SAMD12: variants seen among roughly 807,000 people sequenced by gnomAD.
SAMD12 encodes the protein sterile alpha motif domain containing 12.
A neutral mutation model predicts 15.0 loss-of-function variants in SAMD12; 9 were observed. The observed-to-expected ratio is 0.60, with a 90% CI of 0.36 to 1.05. The LOEUF is 1.05. Among genes scored for constraint, SAMD12 ranks in the 50% least tolerant of loss-of-function variants. The probability of loss-of-function intolerance (pLI) is 0.01; values close to 1 mark genes in which losing one functional copy is unlikely to be tolerated. For missense variants in SAMD12, 230 were observed against 234.2 expected, an observed-to-expected ratio of 0.98 and a Z score of 0.12; for synonymous variants, 86 against 90.1, an observed-to-expected ratio of 0.96 and a Z score of 0.25.
chr8:118,575,510 C>A (rs1044667617), intron 2 of SAMD12, among the ~76,000 whole-genome samples: 1 of 152,108 alleles, frequency 6.6e-6, no homozygotes, highest in Admixed American at 6.6e-5. Flanking sequence ...GAATTTAGAG[C>A]CATTAGACAT....
At chr8:118,143,324 A>T in the SAMD12 span, among the ~76,000 whole-genome samples, 490 of 152,328 alleles carry the variant, frequency 3.2e-3, 2 homozygotes, top group African/African-American at 0.011. Context: ...TTTTTGCACA[A>T]ATGTAAAAAA....
At chr8:118,335,508 C>A (rs1817013832) in intron 4 of SAMD12, among the ~76,000 whole-genome samples, 1 of 152,208 alleles carries the variant, frequency 6.6e-6, no homozygotes, top group African/African-American at 2.4e-5. Flanking sequence ...GATTCTCCCA[C>A]AACCTGGTGT....
intron 1 of SAMD12, among the ~76,000 whole-genome samples, chr8:118,591,620 A>G (rs1827587388): frequency 6.6e-6 from 1 of 152,222 alleles, no homozygotes; most frequent in African/African-American, 2.4e-5. Flanking sequence ...GTATAGACAT[A>G]AAAAGTGCAA....
exon 5 of SAMD12, chr8:118,196,692 A>T (rs1819572236): frequency 6.6e-6 from 1 of 152,088 alleles, no homozygotes; most frequent in African/African-American, 2.4e-5. Flanking sequence ...TTGACTTAGA[A>T]TTTTTTCCGA....
chr8:118,606,845 G>T (rs558792130), intron 1 of SAMD12, among the ~76,000 whole-genome samples: 23 of 152,306 alleles, frequency 1.5e-4, no homozygotes, highest in African/African-American at 5.1e-4. Context: ...TGGCAAAATT[G>T]TGAAGTTGAC....
intron 4 of SAMD12, among the ~76,000 whole-genome samples, chr8:118,258,616 C>A (rs189373014): frequency 6.6e-6 from 1 of 152,074 alleles, no homozygotes; most frequent in Non-Finnish European, 1.5e-5. Context: ...ATTACCCCCC[C>A]TCATATGATT....
chr8:118,512,643 C>T (rs1461765739), intron 2 of SAMD12, among the ~76,000 whole-genome samples: 25 of 152,198 alleles, frequency 1.6e-4, no homozygotes, highest in Admixed American at 1.6e-3. Context: ...CTTAGTCCCA[C>T]TCATTTTTGC....
At chr8:118,193,388 C>T (rs558583613) in exon 5 of SAMD12, 1 of 152,242 alleles carries the variant, frequency 6.6e-6, no homozygotes, top group East Asian at 1.9e-4. Context: ...GCAATGGTGC[C>T]AGGAATCATG....
chr8:118,497,739 G>GGGGGGGGAA (rs1824665092), intron 2 of SAMD12, among the ~76,000 whole-genome samples: 1 of 58,244 alleles, frequency 1.7e-5, no homozygotes, highest in African/African-American at 7.7e-5. Context: ...GGGGTGGGGG[G>GGGGGGGGAA]AAAGAAAAAA....
intron 2 of SAMD12, among the ~76,000 whole-genome samples, chr8:118,447,214 G>A (rs981617388): frequency 1.3e-5 from 2 of 151,946 alleles, no homozygotes; most frequent in Admixed American, 6.6e-5. Flanking sequence ...TGGAAACACT[G>A]TCATGCCACA....
intron 4 of SAMD12, among the ~76,000 whole-genome samples, chr8:118,202,380 C>T (rs1010528698): frequency 3.3e-5 from 5 of 152,142 alleles, no homozygotes; most frequent in Non-Finnish European, 5.9e-5. Flanking sequence ...TAACTGTCTT[C>T]CTGCTTGCCA....
At chr8:118,364,966 C>T (rs1459659271) in intron 4 of SAMD12, among the ~76,000 whole-genome samples, 1 of 152,146 alleles carries the variant, frequency 6.6e-6, no homozygotes, top group Admixed American at 6.6e-5. Context: ...TGCCCCCTGT[C>T]TTTGCTTTTC....
intron 1 of SAMD12, among the ~76,000 whole-genome samples, chr8:118,593,736 C>A (rs970675092): frequency 6.6e-6 from 1 of 152,002 alleles, no homozygotes. Flanking sequence ...TTAAAAAGAA[C>A]AGAGAAAAGT....
At chr8:118,371,547 A>G (rs1216288809) in intron 4 of SAMD12, among the ~76,000 whole-genome samples, 1 of 152,104 alleles carries the variant, frequency 6.6e-6, no homozygotes, top group East Asian at 1.9e-4. Context: ...TGAGCCTTCC[A>G]TGACAGGTGA....
chr8:118,143,766 T>C, the SAMD12 span, among the ~76,000 whole-genome samples: 2 of 152,106 alleles, frequency 1.3e-5, no homozygotes, highest in African/African-American at 4.8e-5. Context: ...AATGAGACAA[T>C]ATCCTAACAT....
intron 1 of SAMD12, among the ~76,000 whole-genome samples, chr8:118,618,026 TTG>T (rs1478891644): frequency 3.2e-5 from 2 of 62,210 alleles, no homozygotes; most frequent in African/African-American, 1.1e-4. Flanking sequence ...GACATTGTTT[TTG>T]TTTTTTTTTT....
intron 4 of SAMD12, among the ~76,000 whole-genome samples, chr8:118,252,882 C>A (rs748591374): frequency 6.6e-6 from 1 of 152,176 alleles, no homozygotes; most frequent in Non-Finnish European, 1.5e-5. Flanking sequence ...AAGAACCTGG[C>A]TTCTCTGCCA....
At chr8:118,153,015 A>G in the SAMD12 span, among the ~76,000 whole-genome samples, 6 of 152,232 alleles carry the variant, frequency 3.9e-5, no homozygotes, top group Non-Finnish European at 8.8e-5. Flanking sequence ...GCTATGCCAG[A>G]CATTCCTAAC....
intron 4 of SAMD12, among the ~76,000 whole-genome samples, chr8:118,357,866 C>G: frequency 6.6e-6 from 1 of 152,102 alleles, no homozygotes; most frequent in East Asian, 1.9e-4. Flanking sequence ...TAAACTCAGG[C>G]CAGGCACAGT....
Sources: allele counts gnomAD v4.1 joint callset (sites outside exome capture counted in the v4.1 genomes callset), GRCh38; gene constraint gnomAD v4.1.1; transcripts MANE v1.5; gene names NCBI Gene and HGNC (gene_info 2026-07-23, HGNC 2026-07-21).